The following ITGA8 variants were observed in gnomAD, a reference collection of about 807,000 sequenced individuals.
ITGA8 encodes integrin subunit alpha 8, also known as integrin alpha-8.
A neutral mutation model predicts 142.3 loss-of-function variants in ITGA8; 91 were observed. The observed-to-expected ratio is 0.64, with a 90% CI of 0.54 to 0.76. The LOEUF (loss-of-function observed/expected upper bound fraction) is 0.76, where lower values mean the gene tolerates loss of function less well. ITGA8 is among the 30% of genes least tolerant of loss of function. The pLI is 0.00. For missense variants in ITGA8, 1,406 were observed against 1,327.7 expected (o/e 1.06, Z -0.92); for synonymous variants, 505 against 485.2 (o/e 1.04, Z -0.54).
At chr10:15,612,176 T>C (rs1833309781) in intron 15 of ITGA8, among the ~76,000 whole-genome samples, 1 of 152,110 alleles carries the variant, frequency 6.6e-6, no homozygotes, top group African/African-American at 2.4e-5. Context: ...TCAAGAGCAG[T>C]TAAAGAAGAG....
chr10:15,694,763 A>G (rs531932941), intron 2 of ITGA8, among the ~76,000 whole-genome samples: 33 of 147,172 alleles, frequency 2.2e-4, no homozygotes, highest in African/African-American at 7.4e-4. Context: ...AAGAATTCAA[A>G]AGAACCCCCC....
chr10:15,580,844 G>A (rs926744991), intron 23 of ITGA8, among the ~76,000 whole-genome samples: 2 of 152,138 alleles, frequency 1.3e-5, no homozygotes, highest in African/African-American at 4.8e-5. Context: ...AAGGCTGAAT[G>A]GTTTTCTTGT....
At chr10:15,587,713 G>A (rs1031998794) in intron 22 of ITGA8, among the ~76,000 whole-genome samples, 5 of 152,200 alleles carry the variant, frequency 3.3e-5, no homozygotes, top group African/African-American at 1.2e-4. Flanking sequence ...AATGCATTAA[G>A]AGTGTCTAGA....
chr10:15,718,681 A>C (rs1054706724), intron 2 of ITGA8, 85 bp downstream of exon 2: 164 of 1,549,286 alleles, frequency 1.1e-4, no homozygotes, highest in Non-Finnish European at 1.3e-4. Flanking sequence ...CGAGCAGCAC[A>C]CCAAGACAGC....
rs565695302 is a variant in ITGA8 at position 15,636,048 on chromosome 10, C to T, written c.1399+7982G>A. ...ATGATATAATTATATAGTAGGGGCCCGGATGAGACAATGATAGTCTTGGCC... is the reference window on the plus strand; with the variant it reads ...ATGATATAATTATATAGTAGGGGCCTGGATGAGACAATGATAGTCTTGGCC... On this transcript the variant is annotated intron_variant, in intron 13 of 29. Transcript: ENST00000378076. Among the ~76,000 whole-genome samples, 4 of 152,092 alleles carry T rather than the reference C, an allele frequency of 2.6e-5. No individual in the cohort carries two copies. In the South Asian group the frequency reaches 6.2e-4, roughly 24 times the overall value.
At chr10:15,667,452 A>G (rs566215850) in intron 8 of ITGA8, among the ~76,000 whole-genome samples, 2 of 151,032 alleles carry the variant, frequency 1.3e-5, no homozygotes, top group South Asian at 4.3e-4. Context: ...AATTTTGTTG[A>G]TCTTTTCAAA....
intron 13 of ITGA8, among the ~76,000 whole-genome samples, chr10:15,624,564 A>C (rs1272202160): frequency 6.6e-6 from 1 of 152,074 alleles, no homozygotes; most frequent in Non-Finnish European, 1.5e-5. Context: ...ACCAGACTGG[A>C]CTTCTTCCCA....
intron 25 of ITGA8, among the ~76,000 whole-genome samples, chr10:15,559,715 C>T (rs1833941991): frequency 6.6e-6 from 1 of 151,156 alleles, no homozygotes; most frequent in African/African-American, 2.4e-5. Flanking sequence ...AGCAAACTAA[C>T]ATAGGAACAG....
chr10:15,635,932 C>A (rs970712709), intron 13 of ITGA8, among the ~76,000 whole-genome samples: 5 of 151,660 alleles, frequency 3.3e-5, no homozygotes, highest in African/African-American at 1.2e-4. Context: ...CACACACACA[C>A]ACACACACAC....
At chr10:15,603,110 C>A (rs1233314619) in intron 20 of ITGA8, among the ~76,000 whole-genome samples, 1 of 145,886 alleles carries the variant, frequency 6.9e-6, no homozygotes, top group East Asian at 2.1e-4. Context: ...TCTATCATTA[C>A]CCATCTAGAT....
intron 2 of ITGA8, among the ~76,000 whole-genome samples, chr10:15,703,890 T>C (rs1403171843): frequency 6.6e-6 from 1 of 152,078 alleles, no homozygotes; most frequent in Non-Finnish European, 1.5e-5. Context: ...TGAGTCCTTA[T>C]TTTGAACACC....
chr10:15,696,433 A>G (rs1033681118), intron 2 of ITGA8, among the ~76,000 whole-genome samples: 7 of 152,188 alleles, frequency 4.6e-5, no homozygotes, highest in African/African-American at 1.7e-4. Context: ...AAAGACTAAA[A>G]TTCAATAGAA....
chr10:15,642,534 C>T (rs1214853665), intron 13 of ITGA8, among the ~76,000 whole-genome samples: 1 of 152,088 alleles, frequency 6.6e-6, no homozygotes, highest in Non-Finnish European at 1.5e-5. Context: ...CATAAGGGAC[C>T]TAGATTTTTG....
rs1375127184 is a variant in ITGA8, at chr10:15,684,041, G to C, written c.531C>G (p.Asn177Lys). The change falls in exon 4 of 30, where the codon AAC (asparagine) becomes AAG (lysine). Residue 177 changes from asparagine to lysine, a missense_variant. Coordinates refer to ENST00000378076, the MANE Select transcript of ITGA8 (RefSeq NM_003638.3). The part of the protein sequence containing the change: ...PVGTCYVAIQ[N>K]FSAYAEFSPC... The stretch of plus-strand genomic sequence containing the variant: ...GAGAGAACTCGGCATAGGCGCTGAA[G>C]TTCTGAATTGCTACATAGCAGGTGC... The C allele has an allele frequency of 6.2e-7, 1 of 1,614,040 alleles. No individual in the cohort carries two copies. The highest frequency in any genetic ancestry group is 8.5e-7 in the Non-Finnish European group (1 of 1,180,024).
intron 15 of ITGA8, 114 bp from the exon 16 acceptor site, chr10:15,608,404 C>T (rs1588672559): frequency 4.5e-5 from 1 of 22,082 alleles, no homozygotes; most frequent in Non-Finnish European, 1.0e-4. Context: ...TTTCTAATTA[C>T]ACACACACAC....
chr10:15,648,284 G>C (rs1338307474), intron 11 of ITGA8, among the ~76,000 whole-genome samples: 1 of 152,046 alleles, frequency 6.6e-6, no homozygotes, highest in Non-Finnish European at 1.5e-5. Context: ...AGAGTGACCT[G>C]GGGCAGGAAC....
intron 2 of ITGA8, among the ~76,000 whole-genome samples, chr10:15,688,770 C>T (rs1489768303): frequency 1.3e-5 from 2 of 152,114 alleles, no homozygotes; most frequent in Non-Finnish European, 2.9e-5. Flanking sequence ...TTAATAGATG[C>T]AGAGAAAGCC....
At chr10:15,684,392 G>A (rs1278194260) in intron 3 of ITGA8, among the ~76,000 whole-genome samples, 6 of 150,710 alleles carry the variant, frequency 4.0e-5, no homozygotes, top group Non-Finnish European at 7.4e-5. Context: ...TTGGAGACAA[G>A]GTCTTGCTCT....
At chr10:15,647,631 T>G (rs904166850) in intron 11 of ITGA8, among the ~76,000 whole-genome samples, 1 of 151,060 alleles carries the variant, frequency 6.6e-6, no homozygotes, top group East Asian at 1.9e-4. Context: ...CCCGGCTAAT[T>G]TTTTGTATTT....
Sources: allele counts gnomAD v4.1 joint callset (sites outside exome capture counted in the v4.1 genomes callset), GRCh38; gene constraint gnomAD v4.1.1; transcripts MANE v1.5; gene names NCBI Gene and HGNC (gene_info 2026-07-23, HGNC 2026-07-21).